Variants in TBPL2 observed in about 807,000 individuals in gnomAD.
TBPL2 encodes TATA-box binding protein like 2, also known as TATA box-binding protein-like 2.
Under a neutral mutation model 38.2 loss-of-function variants are expected in TBPL2, and 40 were observed. That is an observed-to-expected ratio of 1.05 (90% confidence interval 0.81 to 1.36). The LOEUF (loss-of-function observed/expected upper bound fraction) is 1.36, where lower values mean the gene tolerates loss of function less well. TBPL2 is among the 40% of genes most tolerant of loss of function. TBPL2 has a pLI of 0.00. For missense variants in TBPL2, 461 were observed against 456.7 expected (o/e 1.01, Z -0.09); for synonymous variants, 169 against 171.7 (o/e 0.98, Z 0.12).
chr14:55,427,385 A>G (rs1403545579), intron 5 of TBPL2, among the ~76,000 whole-genome samples: 1 of 152,248 alleles, frequency 6.6e-6, no homozygotes, highest in Non-Finnish European at 1.5e-5. Flanking sequence ...ATGAATGAAA[A>G]TATTTTAGAA....
At chr14:55,425,192 G>A (rs1885802323) in intron 5 of TBPL2, among the ~76,000 whole-genome samples, 2 of 152,132 alleles carry the variant, frequency 1.3e-5, no homozygotes, top group African/African-American at 2.4e-5. Flanking sequence ...AAGTATAGGA[G>A]GTCATTGTGG....
At chr14:55,421,126 C>A (rs565171535) in intron 6 of TBPL2, among the ~76,000 whole-genome samples, 2 of 150,580 alleles carry the variant, frequency 1.3e-5, no homozygotes, top group South Asian at 2.1e-4. Flanking sequence ...GAATTAAGGG[C>A]ATTTAAAGAA....
At chr14:55,430,152 A>C (rs930675425) in intron 4 of TBPL2, among the ~76,000 whole-genome samples, 1 of 152,176 alleles carries the variant, frequency 6.6e-6, no homozygotes, top group South Asian at 2.1e-4. Context: ...GTGACAAAAC[A>C]AAACAGTAGG....
chr14:55,440,186 A>T (rs1886088312), intron 1 of TBPL2, among the ~76,000 whole-genome samples: 1 of 152,162 alleles, frequency 6.6e-6, no homozygotes, highest in Non-Finnish European at 1.5e-5. Context: ...ACGGTTCTGG[A>T]TTCGTGCTAG....
intron 6 of TBPL2, among the ~76,000 whole-genome samples, chr14:55,418,104 A>T (rs1476950831): frequency 6.6e-6 from 1 of 152,200 alleles, no homozygotes; most frequent in South Asian, 2.1e-4. Context: ...GCTTAGGGAC[A>T]TTGGCATGGC....
chr14:55,436,855 T>C, exon 2 of TBPL2: 1 of 1,614,228 alleles, frequency 6.2e-7, no homozygotes, highest in Non-Finnish European at 8.5e-7. Context: ...CTGGGTAACT[T>C]CATCTGGTAG....
intron 2 of TBPL2, 130 bp downstream of exon 2, chr14:55,436,431 C>T (rs1594794586): frequency 2.3e-6 from 2 of 875,974 alleles, no homozygotes; most frequent in Non-Finnish European, 3.5e-6. Flanking sequence ...CCATTTAGAA[C>T]TGATAAAACA....
intron 6 of TBPL2, among the ~76,000 whole-genome samples, chr14:55,418,500 A>G (rs1218463728): frequency 6.6e-6 from 1 of 152,184 alleles, no homozygotes; most frequent in Non-Finnish European, 1.5e-5. Flanking sequence ...CGCTCAAGTT[A>G]TTCATTTTAT....
At chr14:55,425,625 A>G (rs1277768903) in intron 5 of TBPL2, among the ~76,000 whole-genome samples, 1 of 152,200 alleles carries the variant, frequency 6.6e-6, no homozygotes, top group Non-Finnish European at 1.5e-5. Flanking sequence ...AAGATTGAGA[A>G]TATCGAACAC....
chr14:55,423,633 A>G (rs541598884), intron 6 of TBPL2, among the ~76,000 whole-genome samples: 1 of 152,216 alleles, frequency 6.6e-6, no homozygotes, highest in Non-Finnish European at 1.5e-5. Context: ...GCAGTTGGGG[A>G]AAAAATATTA....
chr14:55,436,771 C>G (rs768702028), exon 2 of TBPL2: 1 of 1,614,190 alleles, frequency 6.2e-7, no homozygotes, highest in Admixed American at 1.7e-5. Context: ...TGATGGCAAC[C>G]TACTTTGTGG....
exon 7 of TBPL2, chr14:55,414,389 T>C (rs1244024093): frequency 2.5e-6 from 4 of 1,604,738 alleles, no homozygotes; most frequent in African/African-American, 1.3e-5. Flanking sequence ...TCAGGCTTTT[T>C]TAAAACCTTT....
rs375095318 is a variant in TBPL2, at chr14:55,414,369, A to C, written c.*10T>G. ...CAAACCAGAATAATGTGAGATGCTG[A>C]ATGATATGCTCAGGCTTTTTTAAAA... is the stretch of plus-strand genomic sequence containing the variant. On this transcript the variant is annotated 3_prime_UTR_variant, in exon 7 of 7. Transcript: ENST00000247219. 89 of 1,587,124 alleles carry C rather than the reference A, an allele frequency of 5.6e-5. No individual in the cohort carries two copies. The African/African-American group carries it at 1.1e-3, about 20-fold the overall frequency.
chr14:55,436,891 TCAC>T, exon 2 of TBPL2: 1 of 1,614,222 alleles, frequency 6.2e-7, no homozygotes, highest in Non-Finnish European at 8.5e-7. Context: ...AGATGAGAAA[TCAC>T]CAGATGTTTC....
chr14:55,431,319 A>C (rs1233156727), intron 4 of TBPL2, among the ~76,000 whole-genome samples: 2 of 152,246 alleles, frequency 1.3e-5, no homozygotes, highest in Non-Finnish European at 2.9e-5. Flanking sequence ...AATTCAGATA[A>C]GAAAAGACAC....
At chr14:55,426,993 A>C (rs1885835324) in intron 5 of TBPL2, among the ~76,000 whole-genome samples, 1 of 152,242 alleles carries the variant, frequency 6.6e-6, no homozygotes, top group South Asian at 2.1e-4. Flanking sequence ...GCTAAGTCTA[A>C]TGTAGACACA....
At chr14:55,440,155 T>C (rs1005777113) in intron 1 of TBPL2, among the ~76,000 whole-genome samples, 3 of 151,968 alleles carry the variant, frequency 2.0e-5, no homozygotes, top group Non-Finnish European at 4.4e-5. Context: ...GGAAGGGCCA[T>C]GTAATCTGGT....
At chr14:55,424,828 T>C (rs572397853) in intron 5 of TBPL2, among the ~76,000 whole-genome samples, 7 of 152,164 alleles carry the variant, frequency 4.6e-5, no homozygotes, top group Non-Finnish European at 1.0e-4. Flanking sequence ...AAATATAAGC[T>C]GGCCACTCCA....
chr14:55,420,173 C>T lies in TBPL2; in HGVS notation c.1051+3986G>A, dbSNP rs147443060. ...GCAACTTCCGCCTCCCAGGTTCAAG[C>T]GATTCTCCTGCCTCAGCCTCCTAAG... On this transcript the variant is annotated intron_variant, in intron 6 of 6. Coordinates refer to ENST00000247219, the Ensembl canonical transcript of TBPL2. Among the ~76,000 whole-genome samples the T allele has an allele frequency of 2.3e-3, 347 of 152,278 alleles. 10 individuals are homozygous for T. In the East Asian group the frequency reaches 0.05, roughly 22 times the overall value.
Sources: allele counts gnomAD v4.1 joint callset (sites outside exome capture counted in the v4.1 genomes callset), GRCh38; gene constraint gnomAD v4.1.1; transcripts MANE v1.5; gene names NCBI Gene and HGNC (gene_info 2026-07-23, HGNC 2026-07-21).